The following RNF212 variants were observed in gnomAD, a reference collection of about 807,000 sequenced individuals.
The protein encoded by RNF212 is ring finger protein 212.
A neutral mutation model predicts 34.7 loss-of-function variants in RNF212; 33 were observed. The observed-to-expected ratio is 0.95, with a 90% CI of 0.72 to 1.27. The LOEUF (loss-of-function observed/expected upper bound fraction) is 1.27, where lower values mean the gene tolerates loss of function less well. RNF212 is among the 50% of genes most tolerant of loss of function. The pLI is 0.00. For synonymous variants in RNF212, 140 were observed against 136.1 expected (o/e 1.03, Z -0.20); for missense variants, 377 against 362.2 (o/e 1.04, Z -0.33).
intron 8 of RNF212, among the ~76,000 whole-genome samples, chr4:1,075,159 C>T (rs1719076869): frequency 6.6e-6 from 1 of 152,200 alleles, no homozygotes; most frequent in Admixed American, 6.5e-5. Context: ...TGGTTCCTGC[C>T]ACATGGGAGG....
chr4:1,069,303 G>C (rs1005146643), downstream of RNF212, among the ~76,000 whole-genome samples: 1 of 152,144 alleles, frequency 6.6e-6, no homozygotes, highest in Non-Finnish European at 1.5e-5. Flanking sequence ...CTTCTTTATA[G>C]TAGAATGACA....
intron 3 of RNF212, among the ~76,000 whole-genome samples, chr4:1,060,776 C>T (rs1717697006): frequency 6.6e-6 from 1 of 152,252 alleles, no homozygotes; most frequent in Non-Finnish European, 1.5e-5. Context: ...AGTGAGCGCC[C>T]TGCGCCCCTG....
chr4:1,070,535 C>T (rs1426307209), downstream of RNF212, among the ~76,000 whole-genome samples: 1 of 88,226 alleles, frequency 1.1e-5, no homozygotes, highest in Non-Finnish European at 3.1e-5. Flanking sequence ...GCTGTGTCAG[C>T]GTGGACGCCT....
At chr4:1,078,127 A>G (rs537530437) in intron 8 of RNF212, among the ~76,000 whole-genome samples, 1 of 152,286 alleles carries the variant, frequency 6.6e-6, no homozygotes, top group South Asian at 2.1e-4. Context: ...TCATATCTAT[A>G]AAGGGCTCGG....
At chr4:1,090,233 G>T (rs1721974191) in intron 4 of RNF212, among the ~76,000 whole-genome samples, 2 of 152,036 alleles carry the variant, frequency 1.3e-5, no homozygotes, top group South Asian at 4.2e-4. Context: ...GGATGGAAGG[G>T]GAGTGACTGG....
chr4:1,062,288 C>T (rs1241473054), intron 3 of RNF212, among the ~76,000 whole-genome samples: 2 of 152,134 alleles, frequency 1.3e-5, no homozygotes, highest in East Asian at 3.9e-4. Flanking sequence ...TACACCACGA[C>T]CAACCGGGAT....
At chr4:1,059,218 G>T (rs1417012534) in intron 3 of RNF212, among the ~76,000 whole-genome samples, 1 of 152,220 alleles carries the variant, frequency 6.6e-6, no homozygotes, top group Non-Finnish European at 1.5e-5. Context: ...CCCCGACAGG[G>T]GTCTTGTCTT....
intron 5 of RNF212, among the ~76,000 whole-genome samples, chr4:1,083,010 C>T (rs775949733): frequency 9.9e-5 from 15 of 152,092 alleles, no homozygotes; most frequent in South Asian, 2.1e-4. Flanking sequence ...CCGGGCAAGA[C>T]GGGGTCGGGG....
chr4:1,076,151 T>C (rs1223846648), intron 8 of RNF212, among the ~76,000 whole-genome samples: 2 of 152,200 alleles, frequency 1.3e-5, no homozygotes, highest in Non-Finnish European at 2.9e-5. Flanking sequence ...AACACTTCCA[T>C]CTGCATGTGA....
rs1416526446 is a variant in RNF212, at chr4:1,058,431, T to G, written n.148-38A>C. The G allele has an allele frequency of 1.9e-5, 17 of 872,318 alleles. 4 individuals are homozygous for G. The highest frequency in any genetic ancestry group is 1.5e-5 in the Non-Finnish European group (11 of 725,078). The allele number at this position is 872,318 out of a possible 1,614,324, so 54.0% of individuals were successfully genotyped here. On this transcript the variant is annotated intron_variant and non_coding_transcript_variant, in intron 3 of 4. Transcript: ENST00000503206. Reference sequence around the variant, plus strand: ...AAGAATAAAACATGAGTCGTTCATGTTAACACATCACGGTGCTTTGAGGAC... The same window carrying G: ...AAGAATAAAACATGAGTCGTTCATGGTAACACATCACGGTGCTTTGAGGAC...
At chr4:1,056,845 C>A (rs899631668) in intron 4 of RNF212, 98 of 987,812 alleles carry the variant, frequency 9.9e-5, no homozygotes, top group Non-Finnish European at 1.1e-4. Context: ...TGCCTAAACA[C>A]TGCCTCTGCA....
chr4:1,058,426 T>G (rs1717504267), intron 3 of RNF212: 1 of 893,006 alleles, frequency 1.1e-6, no homozygotes, highest in South Asian at 5.2e-5. Context: ...CATGAGTCGT[T>G]CATGTTAACA....
chr4:1,105,321 G>C (rs1271785223), intron 2 of RNF212, among the ~76,000 whole-genome samples: 1 of 152,102 alleles, frequency 6.6e-6, no homozygotes, highest in Non-Finnish European at 1.5e-5. Context: ...TGGCGGCCCA[G>C]CCACCCACCA....
intron 9 of RNF212, 130 bp downstream of exon 9, chr4:1,073,469 C>T: frequency 1.3e-6 from 1 of 772,844 alleles, no homozygotes. Context: ...TATGTAGCCT[C>T]CCATGCACCG....
intron 5 of RNF212, among the ~76,000 whole-genome samples, chr4:1,083,325 T>C (rs1307987165): frequency 1.3e-5 from 2 of 152,198 alleles, no homozygotes; most frequent in Non-Finnish European, 2.9e-5. Context: ...GTTCTCAAAA[T>C]GTTAACTGTA....
intron 2 of RNF212, chr4:1,099,615 G>A (rs1723615553): frequency 7.2e-6 from 3 of 414,478 alleles, no homozygotes; most frequent in Admixed American, 2.7e-5. Flanking sequence ...ACAATCCCCA[G>A]GAAAATCACA....
At chr4:1,070,677 G>A (rs1322379769), downstream of RNF212, among the ~76,000 whole-genome samples, 1 of 152,170 alleles carries the variant, frequency 6.6e-6, no homozygotes, top group African/African-American at 2.4e-5. Context: ...TGGTTTTGTA[G>A]GACTGTGCTG....
At chr4:1,070,062 G>C (rs1718349431), downstream of RNF212, among the ~76,000 whole-genome samples, 1 of 145,346 alleles carries the variant, frequency 6.9e-6, no homozygotes, top group African/African-American at 2.6e-5. Context: ...TGTCAGCGTG[G>C]ACGCCTGGCC....
chr4:1,080,068 A>T (rs1367655430), intron 7 of RNF212, among the ~76,000 whole-genome samples: 2 of 152,138 alleles, frequency 1.3e-5, no homozygotes, highest in African/African-American at 2.4e-5. Flanking sequence ...GGGATCCCGA[A>T]TTGACTTCTG....
Sources: gnomAD v4.1 joint callset for allele counts (sites outside exome capture counted in the v4.1 genomes callset) on GRCh38, gnomAD v4.1.1 for gene constraint, MANE v1.5 for transcripts, NCBI Gene and HGNC (gene_info 2026-07-23, HGNC 2026-07-21) for gene names.